The following CSMD1 variants were observed in gnomAD, a reference collection of about 807,000 sequenced individuals.
CSMD1 encodes the protein CUB and Sushi multiple domains 1.
In CSMD1, 213 loss-of-function variants were observed where a neutral mutation model predicts 417.5. The ratio of observed to expected loss-of-function variants is 0.51; its 90% CI spans 0.46 to 0.57. The LOEUF (loss-of-function observed/expected upper bound fraction) is 0.57. CSMD1 is among the 20% of genes least tolerant of loss of function. CSMD1 has a pLI of 0.00. For synonymous variants in CSMD1, 2,862 were observed against 1,736.8 expected, an observed-to-expected ratio of 1.65 and a Z score of -16.11; for missense variants, 6,923 against 4,529.7, an observed-to-expected ratio of 1.53 and a Z score of -15.17.
intron 10 of CSMD1, among the ~76,000 whole-genome samples, chr8:3,551,186 A>G (rs1376849386): frequency 2.6e-5 from 4 of 152,234 alleles, no homozygotes; most frequent in Admixed American, 2.6e-4. Flanking sequence ...GCGTTCAAAG[A>G]TTCAGTGAGA....
intron 4 of CSMD1, among the ~76,000 whole-genome samples, chr8:4,028,010 G>C (rs1170182966): frequency 2.0e-5 from 3 of 152,290 alleles, no homozygotes; most frequent in Non-Finnish European, 4.4e-5. Flanking sequence ...ATTGAGAACA[G>C]TCTGTGGAAA....
chr8:4,799,164 A>G (rs1798144196), intron 1 of CSMD1, among the ~76,000 whole-genome samples: 2 of 152,178 alleles, frequency 1.3e-5, no homozygotes, highest in Admixed American at 1.3e-4. Flanking sequence ...GCTTACATAA[A>G]GTCACTACAT....
chr8:3,165,857 G>C (rs1333058044), intron 37 of CSMD1, among the ~76,000 whole-genome samples: 1 of 152,110 alleles, frequency 6.6e-6, no homozygotes, highest in Non-Finnish European at 1.5e-5. Context: ...GAAACCTTCT[G>C]AGAGAGAAAT....
intron 3 of CSMD1, among the ~76,000 whole-genome samples, chr8:4,094,922 G>A (rs905101435): frequency 6.6e-6 from 1 of 152,174 alleles, no homozygotes; most frequent in Non-Finnish European, 1.5e-5. Flanking sequence ...ACATGGGGAA[G>A]TCATTGAAGG....
chr8:3,824,896 A>G (rs1295152706), intron 5 of CSMD1, among the ~76,000 whole-genome samples: 1 of 152,196 alleles, frequency 6.6e-6, no homozygotes, highest in Non-Finnish European at 1.5e-5. Context: ...TGAGAATTGT[A>G]AAGATTTCAG....
intron 8 of CSMD1, among the ~76,000 whole-genome samples, chr8:3,588,729 G>A (rs745700196): frequency 4.0e-5 from 6 of 148,214 alleles, no homozygotes; most frequent in Admixed American, 6.8e-5. Context: ...ACAGACAAAC[G>A]AGATGACATC....
intron 1 of CSMD1, among the ~76,000 whole-genome samples, chr8:4,710,937 C>A (rs1463859678): frequency 6.6e-6 from 1 of 151,818 alleles, no homozygotes; most frequent in Non-Finnish European, 1.5e-5. Context: ...CATAAAAGGA[C>A]CATGCCCTAT....
intron 3 of CSMD1, among the ~76,000 whole-genome samples, chr8:4,236,039 G>GGTTTTT (rs1802031883): frequency 3.2e-5 from 1 of 31,686 alleles, no homozygotes; most frequent in African/African-American, 6.9e-5. Flanking sequence ...TTTTTTGTTT[G>GGTTTTT]TTTTTTTTTT....
chr8:3,194,339 T>C (rs1175931766), intron 33 of CSMD1, among the ~76,000 whole-genome samples: 3 of 152,206 alleles, frequency 2.0e-5, no homozygotes, highest in Non-Finnish European at 2.9e-5. Flanking sequence ...ACATCTTTCC[T>C]ACCCAAACTG....
chr8:4,270,011 C>T (rs1804480900), intron 3 of CSMD1, among the ~76,000 whole-genome samples: 1 of 152,150 alleles, frequency 6.6e-6, no homozygotes, highest in Non-Finnish European at 1.5e-5. Flanking sequence ...ATAAGATGAG[C>T]TTCAACTCTG....
At chr8:4,901,535 T>C (rs1200305138) in intron 1 of CSMD1, among the ~76,000 whole-genome samples, 2 of 151,706 alleles carry the variant, frequency 1.3e-5, no homozygotes, top group South Asian at 2.1e-4. Context: ...TAAGAATTCA[T>C]ATGATCTCCC....
chr8:3,967,510 G>A (rs1458791179), intron 5 of CSMD1, among the ~76,000 whole-genome samples: 2 of 152,070 alleles, frequency 1.3e-5, no homozygotes, highest in South Asian at 4.1e-4. Flanking sequence ...TGCGGACTTG[G>A]ATGGAGAATT....
intron 50 of CSMD1, among the ~76,000 whole-genome samples, chr8:3,051,433 G>C (rs1398448891): frequency 6.6e-6 from 1 of 152,120 alleles, no homozygotes; most frequent in Non-Finnish European, 1.5e-5. Context: ...ACAGACACTG[G>C]GGCCTATGGG....
chr8:3,959,697 T>G (rs1476383861), intron 5 of CSMD1, among the ~76,000 whole-genome samples: 1 of 152,208 alleles, frequency 6.6e-6, no homozygotes, highest in Non-Finnish European at 1.5e-5. Flanking sequence ...AGTTTCTTTA[T>G]ATGATATACC....
chr8:3,222,536 T>G (rs1365382147), intron 28 of CSMD1, among the ~76,000 whole-genome samples: 2 of 152,062 alleles, frequency 1.3e-5, no homozygotes, highest in African/African-American at 4.8e-5. Context: ...GTTTCAAACT[T>G]CTGAACTCAA....
chr8:3,521,318 A>G lies in CSMD1; in HGVS notation c.1345-27592T>C, dbSNP rs537042897. The stretch of plus-strand genomic sequence containing the variant: ...TAATGACTTACTCTCTCTCAAATTC[A>G]CATGTCTTTTCACCTCTGTTTCTTT... On this transcript the variant is annotated intron_variant, in intron 10 of 69. Transcript: ENST00000635120. Among the ~76,000 whole-genome samples the G allele has an allele frequency of 3.3e-5, 5 of 152,110 alleles. No individual in the cohort carries two copies. The South Asian group carries it at 8.3e-4, about 25-fold the overall frequency.
At chr8:3,538,754 G>C (rs367725283) in intron 10 of CSMD1, among the ~76,000 whole-genome samples, 1 of 152,178 alleles carries the variant, frequency 6.6e-6, no homozygotes, top group Admixed American at 6.5e-5. Flanking sequence ...CAGTCACACA[G>C]CTCTACATGT....
chr8:4,414,818 T>C (rs564968365), intron 3 of CSMD1, among the ~76,000 whole-genome samples: 19 of 152,174 alleles, frequency 1.2e-4, no homozygotes, highest in African/African-American at 4.6e-4. Context: ...TTCCTTAGAG[T>C]TAGTTATTGC....
chr8:4,464,123 T>G (rs1459569960), intron 2 of CSMD1, among the ~76,000 whole-genome samples: 1 of 150,652 alleles, frequency 6.6e-6, no homozygotes, highest in African/African-American at 2.5e-5. Flanking sequence ...GCTCAGAACC[T>G]TGAGTCGAAG....
Sources: allele counts gnomAD v4.1 joint callset (sites outside exome capture counted in the v4.1 genomes callset), GRCh38; gene constraint gnomAD v4.1.1; transcripts MANE v1.5; gene names NCBI Gene and HGNC (gene_info 2026-07-23, HGNC 2026-07-21).